MYBL2: variants seen among roughly 807,000 people sequenced by gnomAD.
MYBL2 encodes myb-related protein B.
In MYBL2, 28 loss-of-function variants were observed where a neutral mutation model predicts 79.9. The observed-to-expected ratio is 0.35, with a 90% CI of 0.26 to 0.48. The LOEUF (loss-of-function observed/expected upper bound fraction) is 0.48. MYBL2 is among the 20% of genes least tolerant of loss of function. The probability of loss-of-function intolerance (pLI) is 0.99; values close to 1 mark genes in which losing one functional copy is unlikely to be tolerated. For missense variants in MYBL2, 735 were observed against 893.9 expected (o/e 0.82, Z 2.27); for synonymous variants, 378 against 361.2 (o/e 1.05, Z -0.53).
chr20:43,686,840 CT>C lies in MYBL2; in HGVS notation c.280-8del, dbSNP rs753291697. ...GCCGGTGCAAGTGGCTACCCAGAGACTTTTCTCTAAGGTCATCGAGCTGGTT... is the reference window on the plus strand; with the variant it reads ...GCCGGTGCAAGTGGCTACCCAGAGACTTTCTCTAAGGTCATCGAGCTGGTT... On this transcript the variant is annotated splice_polypyrimidine_tract_variant and intron_variant, in intron 4 of 13. Transcript: ENST00000217026. 230 of 1,612,686 alleles carry C rather than the reference CT, an allele frequency of 1.4e-4. No individual in the cohort carries two copies. Among genetic ancestry groups the C allele is most frequent in the Non-Finnish European group, 1.9e-4 (222 of 1,179,012 alleles).
intron 13 of MYBL2, among the ~76,000 whole-genome samples, chr20:43,715,623 T>C (rs777128642): frequency 6.6e-6 from 1 of 152,168 alleles, no homozygotes; most frequent in Non-Finnish European, 1.5e-5. Flanking sequence ...TTAGTACATG[T>C]CTGTCCTCAA....
At chr20:43,697,914 C>CAA (rs58049554) in intron 6 of MYBL2, among the ~76,000 whole-genome samples, 2,811 of 99,408 alleles carry the variant, frequency 0.028, 109 homozygotes, top group African/African-American at 0.094. Flanking sequence ...GACTCCATCT[C>CAA]AAAAAAAAAA....
In MYBL2 at chr20:43,687,112, G is replaced by A. The variant is rs771685587; in HGVS notation, c.500+40G>A. On this transcript the variant is annotated intron_variant, in intron 5 of 13. Transcript: ENST00000217026. ...TGGGGGTTGGGACAGGTTCCCGGGA[G>A]GCCAGGCCCGTGTTTCTGATGGAGG... 3 of 1,591,076 alleles carry A rather than the reference G, an allele frequency of 1.9e-6. No individual in the cohort carries two copies. The East Asian group carries it at 6.8e-5, about 36-fold the overall frequency.
At position 43,702,802 on chromosome 20, in the gene MYBL2, CCT is replaced by C. The variant is rs1987703907; in HGVS notation, c.1265_1266del (p.Pro422ArgfsTer3). The C allele has an allele frequency of 1.9e-6, 3 of 1,614,202 alleles. No homozygotes were observed. The highest frequency in any genetic ancestry group is 2.2e-5 in the East Asian group (1 of 44,884). On this transcript the variant is annotated frameshift_variant, in exon 8 of 14. Transcript: ENST00000217026. LOFTEE classifies it high-confidence loss of function. ...RQRKRRVALSPVTENSTSLSF... is the reference protein window; with the variant it reads ...RQRKRRVALSXVTENSTSLSF... ...GAGGAAGAGGCGTGTGGCTCTGTCC[CCT>C]GTCACTGAGAATAGCACCAGTCTGT...
Position 43,715,152 on chromosome 20 carries a change from A to C in MYBL2, c.1843A>C (p.Asn615His). Residue 615 changes from asparagine to histidine, a missense_variant, in exon 13 of 14, where the codon AAC becomes CAC. Transcript: ENST00000217026. Reference sequence around the variant, plus strand: ...GTTTCAGCCGACAACTGCCCCTTCAAACTCTTCCAGCCTCACCCTGTCAGG... The same window carrying C: ...GTTTCAGCCGACAACTGCCCCTTCACACTCTTCCAGCCTCACCCTGTCAGG... Reference protein sequence around the residue: ...SLSLPTTAPSNSSSLTLSGIK... With the variant: ...SLSLPTTAPSHSSSLTLSGIK... 2 of 1,614,124 alleles carry C rather than the reference A, an allele frequency of 1.2e-6. No homozygotes were observed. The highest frequency in any genetic ancestry group is 1.7e-6 in the Non-Finnish European group (2 of 1,180,026).
At chr20:43,683,133 GT>G (rs755700240) in intron 4 of MYBL2, among the ~76,000 whole-genome samples, 64 of 152,178 alleles carry the variant, frequency 4.2e-4, no homozygotes, top group Non-Finnish European at 8.2e-4. Context: ...GGCTTCTCTT[GT>G]TCCACCCATG....
At chr20:43,674,990 A>G (rs1409308158) in intron 2 of MYBL2, among the ~76,000 whole-genome samples, 1 of 151,696 alleles carries the variant, frequency 6.6e-6, no homozygotes, top group Non-Finnish European at 1.5e-5. Flanking sequence ...CCTTTTTTTA[A>G]TTCCTTTTTG....
chr20:43,708,388 C>A (rs182833510), intron 9 of MYBL2, among the ~76,000 whole-genome samples: 328 of 152,284 alleles, frequency 2.2e-3, no homozygotes, highest in African/African-American at 7.6e-3. Context: ...GGGTGAGCCA[C>A]AAGGCCCGGC....
chr20:43,670,956 ATTTCTTTTT>A (rs1386041932), intron 1 of MYBL2, among the ~76,000 whole-genome samples: 30 of 36,918 alleles, frequency 8.1e-4, no homozygotes, highest in African/African-American at 2.6e-3. Flanking sequence ...GGATCCTATG[ATTTCTTTTT>A]TTTCTTTTTT....
At chr20:43,706,143 C>T (rs1987777930) in intron 9 of MYBL2, among the ~76,000 whole-genome samples, 1 of 152,198 alleles carries the variant, frequency 6.6e-6, no homozygotes, top group Admixed American at 6.5e-5. Flanking sequence ...TGATAATTTT[C>T]TGTCTCAGGA....
At chr20:43,704,830 C>G (rs1350570462) in intron 8 of MYBL2, among the ~76,000 whole-genome samples, 1 of 152,176 alleles carries the variant, frequency 6.6e-6, no homozygotes, top group Admixed American at 6.6e-5. Flanking sequence ...ATGATAACCC[C>G]ACCGCCACCA....
At chr20:43,672,921 A>G (rs986339946) in intron 1 of MYBL2, among the ~76,000 whole-genome samples, 3 of 152,152 alleles carry the variant, frequency 2.0e-5, no homozygotes, top group African/African-American at 7.2e-5. Flanking sequence ...TGAACATAAT[A>G]TTCTTGGTGA....
At chr20:43,697,150 C>G (rs1987564080) in intron 6 of MYBL2, among the ~76,000 whole-genome samples, 1 of 152,108 alleles carries the variant, frequency 6.6e-6, no homozygotes, top group African/African-American at 2.4e-5. Flanking sequence ...GTATATAGGA[C>G]TGCTTGTTTC....
intron 9 of MYBL2, 39 bp from the exon 10 acceptor site, chr20:43,709,924 C>T (rs760840508): frequency 6.5e-7 from 1 of 1,532,760 alleles, no homozygotes; most frequent in Non-Finnish European, 8.9e-7. Context: ...GCGTCGGCCC[C>T]TATCCTGTCA....
Position 43,687,018 on chromosome 20 carries a change from C to T in MYBL2, c.446C>T (p.Ala149Val). The part of the protein sequence containing the change: ...TEEEDRIICE[A>V]HKVLGNRWAE... ...GAGGAGGACCGCATCATCTGCGAGG[C>T]CCACAAGGTGCTGGGCAACCGCTGG... The change falls in exon 5 of 14, where the codon GCC (alanine) becomes GTC (valine). Residue 149 changes from alanine to valine, a missense_variant. Transcript: ENST00000217026. 1 of 1,613,882 alleles carries T rather than the reference C, an allele frequency of 6.2e-7. No homozygotes were observed. The highest frequency in any genetic ancestry group is 8.5e-7 in the Non-Finnish European group (1 of 1,180,038).
chr20:43,682,393 C>G (rs1213535176), intron 3 of MYBL2, among the ~76,000 whole-genome samples: 2 of 152,200 alleles, frequency 1.3e-5, no homozygotes, highest in African/African-American at 2.4e-5. Flanking sequence ...CTGGGCTGCT[C>G]AGAAAGCATG....
At chr20:43,698,162 T>G (rs987203690) in intron 6 of MYBL2, among the ~76,000 whole-genome samples, 5 of 151,048 alleles carry the variant, frequency 3.3e-5, no homozygotes, top group Non-Finnish European at 4.4e-5. Flanking sequence ...TTTCCCAGTT[T>G]GGTAGCTTTT....
chr20:43,697,168 A>G (rs1987564399), intron 6 of MYBL2, among the ~76,000 whole-genome samples: 1 of 152,030 alleles, frequency 6.6e-6, no homozygotes, highest in African/African-American at 2.4e-5. Flanking sequence ...TTCCAGCCTT[A>G]TTGTCAATAC....
At chr20:43,704,005 T>G (rs888115006) in intron 8 of MYBL2, among the ~76,000 whole-genome samples, 1 of 152,154 alleles carries the variant, frequency 6.6e-6, no homozygotes, top group African/African-American at 2.4e-5. Flanking sequence ...TAGGGCCCAC[T>G]CTAATGACTT....
Sources: gnomAD v4.1 joint callset for allele counts (sites outside exome capture counted in the v4.1 genomes callset) on GRCh38, gnomAD v4.1.1 for gene constraint, MANE v1.5 for transcripts, NCBI Gene and HGNC (gene_info 2026-07-23, HGNC 2026-07-21) for gene names.